The following ZDHHC19 variants were observed in gnomAD, a reference collection of about 807,000 sequenced individuals.
The protein encoded by ZDHHC19 is palmitoyltransferase ZDHHC19.
In ZDHHC19, 30 loss-of-function variants were observed where a neutral mutation model predicts 33.9. The observed-to-expected ratio is 0.88, with a 90% CI of 0.66 to 1.20. The LOEUF (loss-of-function observed/expected upper bound fraction) is 1.20. ZDHHC19 is among the 50% of genes most tolerant of loss of function. ZDHHC19 has a pLI of 0.00. For missense variants in ZDHHC19, 364 were observed against 401.1 expected (o/e 0.91, Z 0.79); for synonymous variants, 178 against 167.6 (o/e 1.06, Z -0.48).
At chr3:196,209,606 G>T in intron 2 of ZDHHC19, 91 bp from the exon 3 acceptor site, 3 of 1,505,298 alleles carry the variant, frequency 2.0e-6, no homozygotes, top group Admixed American at 2.0e-5. Flanking sequence ...CACAAGGAAG[G>T]GTGGGGACAA....
At chr3:196,208,658 C>T in intron 3 of ZDHHC19, 98 bp from the exon 4 acceptor site, 1 of 1,425,246 alleles carries the variant, frequency 7.0e-7, no homozygotes, top group Admixed American at 2.1e-5. Context: ...TTCTAGGCCA[C>T]CTGCCCTTGG....
chr3:196,198,986 C>T (rs759145679), intron 5 of ZDHHC19, 112 bp from the exon 6 acceptor site: 10 of 1,080,916 alleles, frequency 9.3e-6, no homozygotes, highest in South Asian at 9.2e-5. Flanking sequence ...GCCCAGGGCA[C>T]CAGCAAGCTG....
intron 6 of ZDHHC19, 52 bp from the exon 7 acceptor site, chr3:196,198,503 C>T: frequency 1.3e-6 from 2 of 1,594,430 alleles, no homozygotes; most frequent in Non-Finnish European, 1.7e-6. Flanking sequence ...TGGTCCGGCT[C>T]CCCTGCCCGC....
Position 196,203,603 on chromosome 3 carries a change from T to C in ZDHHC19, c.687+3795A>G, listed in dbSNP as rs1359693610. 6.6e-6 allele frequency among the ~76,000 whole-genome samples: 1 copy of C among 152,198 alleles called. No individual in the cohort carries two copies. The highest frequency in any genetic ancestry group is 6.5e-5 in the Admixed American group (1 of 15,280). ...TGCTGCGGGCTGCGGGAAGGAGCCC[T>C]GCCTGGTGAATCGCAGGCCACGTTA... is the stretch of plus-strand genomic sequence containing the variant. On this transcript the variant is annotated intron_variant, in intron 5 of 7. Coordinates refer to ENST00000296326, the MANE Select transcript of ZDHHC19 (RefSeq NM_001039617.2). This position sits in a 1 kb window ranked among gnomAD's most constrained non-coding sequence, Gnocchi z 4.3.
intron 4 of ZDHHC19, 31 bp from the exon 5 acceptor site, chr3:196,207,534 C>A (rs1357495822): frequency 6.6e-7 from 1 of 1,507,508 alleles, no homozygotes; most frequent in Non-Finnish European, 8.9e-7. Context: ...GGCTGCGGGA[C>A]CCCCACGCCT....
At chr3:196,208,809 CCT>C in intron 3 of ZDHHC19, 1 of 510,626 alleles carries the variant, frequency 2.0e-6, no homozygotes, top group African/African-American at 1.9e-5. Context: ...ACTGGCCTGG[CCT>C]TCTGTGAGAC....
At chr3:196,204,137 TTCCTA>T (rs1169219166) in intron 5 of ZDHHC19, among the ~76,000 whole-genome samples, 1 of 152,102 alleles carries the variant, frequency 6.6e-6, no homozygotes, top group African/African-American at 2.4e-5. Context: ...ACAACAGGAT[TTCCTA>T]TGTAGAATCA....
Position 196,198,296 on chromosome 3 carries a change from C to T in ZDHHC19, c.929G>A (p.Ter310=), listed in dbSNP as rs1221270374. The T allele has an allele frequency of 6.7e-7, 1 of 1,503,018 alleles. No homozygotes were observed. The highest frequency in any genetic ancestry group is 8.9e-7 in the Non-Finnish European group (1 of 1,126,944). The allele number at this position is 1,503,018 out of a possible 1,614,324, so 93.1% of individuals were successfully genotyped here. ...CTTACCTCCTGGAGAGCTGCAGCCT[C>T]ACCACGCCCCGGGGGTCCCTTCCCT... is the stretch of plus-strand genomic sequence containing the variant. ...QSREGTPGAW[*] is the part of the protein sequence containing the mutation. The change falls in exon 7 of 8, where the codon TGA becomes TAA. Residue 310 remains the stop codon, a stop_retained_variant. Coordinates refer to ENST00000296326, the MANE Select transcript of ZDHHC19 (RefSeq NM_001039617.2).
chr3:196,208,236 G>T, intron 4 of ZDHHC19, 152 bp downstream of exon 4: 1 of 283,446 alleles, frequency 3.5e-6, no homozygotes. Context: ...TCCTAGCCCC[G>T]CCCATCCCCC....
At chr3:196,207,328 G>A in intron 5 of ZDHHC19, 70 bp downstream of exon 5, 1 of 1,384,768 alleles carries the variant, frequency 7.2e-7, no homozygotes, top group Non-Finnish European at 9.9e-7. Context: ...CAGGGCCAAG[G>A]GCAGTGGAGA....
chr3:196,200,530 A>AT (rs1350672155), intron 5 of ZDHHC19, among the ~76,000 whole-genome samples: 4 of 148,418 alleles, frequency 2.7e-5, no homozygotes, highest in South Asian at 4.2e-4. Context: ...AATTTTTTGT[A>AT]TTTTTAGTAG....
At chr3:196,209,240 G>T in intron 3 of ZDHHC19, 136 bp downstream of exon 3, 1 of 1,244,238 alleles carries the variant, frequency 8.0e-7, no homozygotes, top group Non-Finnish European at 1.1e-6. Flanking sequence ...AAGGGTGGCT[G>T]GGAGTTACTG....
At chr3:196,200,489 GGA>G (rs202029577) in intron 5 of ZDHHC19, among the ~76,000 whole-genome samples, 5,552 of 149,476 alleles carry the variant, frequency 0.037, 401 homozygotes, top group African/African-American at 0.13. Flanking sequence ...CAAGTAGCTG[GGA>G]TTACAGGTGC....
chr3:196,210,343 A>G (rs57141255), intron 2 of ZDHHC19, among the ~76,000 whole-genome samples: 49,044 of 124,044 alleles, frequency 0.4, 11,235 homozygotes, highest in Admixed American at 0.48. Context: ...GAAAGAAAGA[A>G]AAGAGAAAGA....
At position 196,198,844 on chromosome 3, in the gene ZDHHC19, C is replaced by A; in HGVS notation, c.718G>T (p.Asp240Tyr). 1 of 1,614,008 alleles carries A rather than the reference C, an allele frequency of 6.2e-7. No homozygotes were observed. Among genetic ancestry groups the A allele is most frequent in the Non-Finnish European group, 8.5e-7 (1 of 1,179,974 alleles). Residue 240 changes from aspartate to tyrosine, a missense_variant, in exon 6 of 8, where the codon GAC (aspartate) becomes TAC (tyrosine). Asp to Tyr is a radical substitution (Grantham distance 160). Transcript: ENST00000296326. ...CRHLQGYNPF[D>Y]QGCASNWYLT... is the part of the protein sequence containing the mutation. ...TACCAGTTGCTGGCACAGCCCTGGT[C>A]GAAGGGGTTGTATCCCTGAAGGTGT...
intron 2 of ZDHHC19, among the ~76,000 whole-genome samples, chr3:196,210,358 A>AGG (rs1433458420): frequency 5.2e-5 from 7 of 135,434 alleles, no homozygotes; most frequent in African/African-American, 1.8e-4. Flanking sequence ...GAAAGAAAGA[A>AGG]AGAAGGAAGG....
rs937918019 is a variant in ZDHHC19 at position 196,198,584 on chromosome 3, A to G, written c.774-133T>C. The G allele has an allele frequency of 3.2e-6, 5 of 1,550,144 alleles. No homozygotes were observed. The African/African-American group carries it at 5.5e-5, about 17-fold the overall frequency. ...CTGAGGCCAGCCTCATCCAGGATGCAGCAGCCCTGTATGCCATAGTGGGGC... is the reference window on the plus strand; with the variant it reads ...CTGAGGCCAGCCTCATCCAGGATGCGGCAGCCCTGTATGCCATAGTGGGGC... On this transcript the variant is annotated intron_variant, in intron 6 of 7. Transcript: ENST00000296326.
intron 5 of ZDHHC19, chr3:196,199,482 C>G (rs1722068529): frequency 1.3e-5 from 2 of 158,600 alleles, no homozygotes; most frequent in Admixed American, 1.3e-4. Flanking sequence ...CCATTCTCCA[C>G]CAAAGGAACC....
chr3:196,202,269 C>T (rs912317699), intron 5 of ZDHHC19: 1 of 151,724 alleles, frequency 6.6e-6, no homozygotes, highest in African/African-American at 2.4e-5. Flanking sequence ...TGCGGTCAGC[C>T]GAGGTGACGC....
Sources: allele counts gnomAD v4.1 joint callset (sites outside exome capture counted in the v4.1 genomes callset), GRCh38; gene constraint gnomAD v4.1.1; non-coding constraint Gnocchi (gnomAD v3.1); transcripts MANE v1.5; gene names NCBI Gene and HGNC (gene_info 2026-07-23, HGNC 2026-07-21).